PCDH19: variants seen among roughly 807,000 people sequenced by gnomAD.
The protein encoded by PCDH19 is protocadherin 19, also known as protocadherin-19.
A neutral mutation model predicts 46.2 loss-of-function variants in PCDH19; 6 were observed. The ratio of observed to expected loss-of-function variants is 0.13; its 90% CI spans 0.07 to 0.26. PCDH19 has a LOEUF of 0.26. PCDH19 is among the 10% of genes least tolerant of loss of function. The pLI is 1.00. For synonymous variants in PCDH19, 481 were observed against 415.7 expected, an observed-to-expected ratio of 1.16 and a Z score of -1.91; for missense variants, 740 against 972.3, an observed-to-expected ratio of 0.76 and a Z score of 3.18.
intron 1 of PCDH19, among the ~76,000 whole-genome samples, chrX:100,405,923 CCT>C (rs1419520025): frequency 1.8e-5 from 2 of 110,937 alleles, no homozygotes; most frequent in African/African-American, 3.3e-5. Flanking sequence ...TCCACACACT[CCT>C]GTTCTCTCCT....
At chrX:100,361,658 T>C (rs1236016820) in intron 3 of PCDH19, among the ~76,000 whole-genome samples, 1 of 111,977 alleles carries the variant, frequency 8.9e-6, no homozygotes, top group African/African-American at 3.3e-5. Context: ...CTTTATGAGC[T>C]AAATAAATAT....
At chrX:100,312,553 T>C (rs1225942563) in intron 5 of PCDH19, among the ~76,000 whole-genome samples, 1 of 111,793 alleles carries the variant, frequency 8.9e-6, no homozygotes, top group Admixed American at 9.5e-5. Flanking sequence ...TAAGCTATAT[T>C]TTTTCAGGGT....
chrX:100,358,888 C>T (rs73248486), intron 3 of PCDH19, among the ~76,000 whole-genome samples: 19,708 of 111,649 alleles, frequency 0.18, 1,432 homozygotes, highest in Middle Eastern at 0.36. Flanking sequence ...GTAAACAGAA[C>T]TTAATGGAGA....
At chrX:100,387,437 G>A (rs905449839) in intron 3 of PCDH19, among the ~76,000 whole-genome samples, 3 of 111,485 alleles carry the variant, frequency 2.7e-5, no homozygotes, top group African/African-American at 3.3e-5. Flanking sequence ...TGTTGAAACA[G>A]GATGCTTCAG....
At chrX:100,356,779 A>T (rs867499836) in intron 3 of PCDH19, among the ~76,000 whole-genome samples, 5 of 69,289 alleles carry the variant, frequency 7.2e-5, no homozygotes, top group Admixed American at 3.3e-4. Flanking sequence ...TCTCTCACAC[A>T]CACACACTCA....
intron 5 of PCDH19, among the ~76,000 whole-genome samples, chrX:100,298,192 C>A (rs771413740): frequency 9.0e-6 from 1 of 110,850 alleles, no homozygotes; most frequent in African/African-American, 3.3e-5. Context: ...AATGGCATAG[C>A]AAAGCAAGGT....
At chrX:100,308,059 G>C (rs977146103) in intron 5 of PCDH19, among the ~76,000 whole-genome samples, 3 of 110,298 alleles carry the variant, frequency 2.7e-5, no homozygotes, top group Non-Finnish European at 5.7e-5. Context: ...AATTCATATG[G>C]AACCAAAAAA....
intron 3 of PCDH19, among the ~76,000 whole-genome samples, chrX:100,395,106 C>A (rs1041632600): frequency 1.8e-5 from 2 of 110,713 alleles, no homozygotes; most frequent in Admixed American, 1.9e-4. Flanking sequence ...CCGGGATGGT[C>A]TCGATCTCCT....
intron 5 of PCDH19, among the ~76,000 whole-genome samples, chrX:100,303,322 AAAGGAAGG>A (rs764462656): frequency 1.8e-5 from 2 of 110,503 alleles, no homozygotes; most frequent in Non-Finnish European, 3.8e-5. Flanking sequence ...AGGAAGGAAA[AAAGGAAGG>A]AAGGAAGGAA....
chrX:100,360,030 C>T (rs1435886550), intron 3 of PCDH19, among the ~76,000 whole-genome samples: 1 of 111,641 alleles, frequency 9.0e-6, no homozygotes, highest in Non-Finnish European at 1.9e-5. Flanking sequence ...TGACTGCCTG[C>T]GGAGTGTGCA....
At chrX:100,340,144 T>C (rs148978732) in intron 5 of PCDH19, among the ~76,000 whole-genome samples, 2,107 of 111,306 alleles carry the variant, frequency 0.019, 53 homozygotes, top group African/African-American at 0.066. Flanking sequence ...AAAATTTAGG[T>C]ATGCATTCAC....
In PCDH19 at chrX:100,322,865, A is replaced by ATATATATATATATTTTTTTTT; in HGVS notation, c.2848+19037_2848+19038insAAAAAAAAATATATATATATA. ...TATATATATATATATATATATATAT[A>ATATATATATATATTTTTTTTT]TTTTTGCAGCTATTGTAAAAGGGGT... On this transcript the variant is annotated intron_variant, in intron 5 of 5. Coordinates refer to ENST00000373034, the MANE Select transcript of PCDH19 (RefSeq NM_001184880.2). 9.0e-4 allele frequency among the ~76,000 whole-genome samples: 49 copies of ATATATATATATATTTTTTTTT among 54,368 alleles called. 1 individual carries two copies. Among genetic ancestry groups the ATATATATATATATTTTTTTTT allele is most frequent in the African/African-American group, 2.2e-3 (26 of 11,889 alleles). The allele number at this position is 54,368 out of a possible 115,157, so 47.2% of individuals were successfully genotyped here. A position where few individuals can be genotyped will look rare whatever the true frequency, so the allele number is the denominator to read the frequency against.
chrX:100,383,542 A>C (rs1927620750), intron 3 of PCDH19, among the ~76,000 whole-genome samples: 1 of 112,438 alleles, frequency 8.9e-6, no homozygotes, highest in African/African-American at 3.2e-5. Context: ...TAATCTTAAC[A>C]AAAAATGTAA....
chrX:100,342,546 A>G lies in PCDH19; in HGVS notation c.2676-471T>C, dbSNP rs755237680. On this transcript the variant is annotated intron_variant, in intron 4 of 5. Coordinates refer to ENST00000373034, the MANE Select transcript of PCDH19 (RefSeq NM_001184880.2). ...TACTAATATTCTCATTTGCAGATGA[A>G]AAAAAACAGAGGTACATGGAAGTGA... is the stretch of plus-strand genomic sequence containing the variant. Among the ~76,000 whole-genome samples, 6 of 112,271 alleles carry G rather than the reference A, an allele frequency of 5.3e-5. No homozygotes were observed. In the East Asian group the frequency reaches 1.7e-3, roughly 31 times the overall value.
intron 5 of PCDH19, among the ~76,000 whole-genome samples, chrX:100,316,806 G>A (rs1355088094): frequency 8.9e-6 from 1 of 111,806 alleles, no homozygotes; most frequent in African/African-American, 3.3e-5. Context: ...CCAAATATTA[G>A]AACAAATCAA....
intron 5 of PCDH19, among the ~76,000 whole-genome samples, chrX:100,322,424 C>G (rs1287903244): frequency 9.0e-6 from 1 of 111,221 alleles, no homozygotes; most frequent in East Asian, 2.8e-4. Flanking sequence ...TTCCATTGGT[C>G]TATGTGCCTA....
At position 100,348,060 on chromosome X, in the gene PCDH19, C is replaced by T. The variant is rs192676921; in HGVS notation, c.2675+2586G>A. 4.7e-3 allele frequency among the ~76,000 whole-genome samples: 335 copies of T among 71,796 alleles called. 9 individuals are homozygous for T. The East Asian group carries it at 0.11, about 23-fold the overall frequency. 62.3% of individuals were successfully genotyped at this position (71,796 alleles called of 115,157 possible). On this transcript the variant is annotated intron_variant, in intron 4 of 5. Transcript: ENST00000373034. ...CAGCCTAGGTGACAGAGCAAGATTC[C>T]GTCTCAAAAAAAAAAAAAAAAAAAA...
intron 5 of PCDH19, among the ~76,000 whole-genome samples, chrX:100,309,154 G>GCACACACACA (rs55663829): frequency 0.04 from 3,298 of 81,655 alleles, 67 homozygotes; most frequent in East Asian, 0.068. Flanking sequence ...TGTGATGCAT[G>GCACACACACA]CACACACACA....
chrX:100,357,146 C>T (rs763735827), intron 3 of PCDH19, among the ~76,000 whole-genome samples: 2 of 111,870 alleles, frequency 1.8e-5, no homozygotes, highest in South Asian at 7.6e-4. Flanking sequence ...AAATGTCAGA[C>T]ATTCAGGTAA....
Sources: gnomAD v4.1 joint callset for allele counts (sites outside exome capture counted in the v4.1 genomes callset) on GRCh38, gnomAD v4.1.1 for gene constraint, MANE v1.5 for transcripts, NCBI Gene and HGNC (gene_info 2026-07-23, HGNC 2026-07-21) for gene names.